DOCK4: variants seen among roughly 807,000 people sequenced by gnomAD.
DOCK4 encodes dedicator of cytokinesis 4.
In DOCK4, 97 loss-of-function variants were observed where a neutral mutation model predicts 268.1. The observed-to-expected ratio is 0.36, with a 90% CI of 0.31 to 0.43. The LOEUF (loss-of-function observed/expected upper bound fraction) is 0.43. Among genes scored for constraint, DOCK4 ranks in the 20% least tolerant of loss-of-function variants. DOCK4 has a pLI of 1.00. For synonymous variants in DOCK4, 954 were observed against 887.2 expected (o/e 1.08, Z -1.34); for missense variants, 2,145 against 2,455.7 (o/e 0.87, Z 2.67).
intron 1 of DOCK4, among the ~76,000 whole-genome samples, chr7:112,110,475 T>C (rs993062485): frequency 7.2e-5 from 11 of 152,282 alleles, no homozygotes; most frequent in African/African-American, 2.6e-4. Context: ...TACACTTAAA[T>C]GTTATTACCC....
chr7:111,930,427 G>C (rs1162014155), intron 12 of DOCK4, among the ~76,000 whole-genome samples: 2 of 152,086 alleles, frequency 1.3e-5, no homozygotes, highest in Non-Finnish European at 2.9e-5. Context: ...GAAGCATAAA[G>C]GGCCTGGAAA....
intron 8 of DOCK4, among the ~76,000 whole-genome samples, chr7:111,963,062 C>T (rs1390997255): frequency 6.6e-6 from 1 of 152,108 alleles, no homozygotes; most frequent in African/African-American, 2.4e-5. Flanking sequence ...AGATTAGTCC[C>T]AAGACAAATT....
At chr7:112,010,300 G>A (rs1364115097) in intron 1 of DOCK4, among the ~76,000 whole-genome samples, 1 of 152,194 alleles carries the variant, frequency 6.6e-6, no homozygotes, top group Non-Finnish European at 1.5e-5. Flanking sequence ...AGCTGTCTGG[G>A]ACAGGGCTGG....
At chr7:111,784,278 T>A in intron 32 of DOCK4, 155 bp from the exon 33 acceptor site, 1 of 870,532 alleles carries the variant, frequency 1.1e-6, no homozygotes, top group Non-Finnish European at 1.9e-6. Context: ...AACAGAGGCT[T>A]GCGTCTTACC....
intron 32 of DOCK4, chr7:111,784,527 C>T (rs1799033283): frequency 4.4e-6 from 2 of 459,616 alleles, no homozygotes; most frequent in South Asian, 3.1e-5. Context: ...ACTATCTGTG[C>T]ACTCACTCAA....
intron 1 of DOCK4, among the ~76,000 whole-genome samples, chr7:112,057,274 T>C (rs536024462): frequency 2.0e-4 from 30 of 152,038 alleles, no homozygotes; most frequent in African/African-American, 6.7e-4. Flanking sequence ...CCAGGCACAG[T>C]GGCTTAGTCT....
intron 1 of DOCK4, among the ~76,000 whole-genome samples, chr7:112,072,457 T>C (rs555703102): frequency 1.6e-3 from 246 of 152,320 alleles, no homozygotes; most frequent in Middle Eastern, 3.4e-3. Flanking sequence ...GGAATCCTTA[T>C]ATTTTGTTGG....
intron 42 of DOCK4, among the ~76,000 whole-genome samples, chr7:111,753,006 G>GA (rs1796782293): frequency 4.5e-4 from 2 of 4,414 alleles, no homozygotes; most frequent in African/African-American, 9.8e-4. Context: ...ATAAGCTATT[G>GA]GGGGGGGGGT....
In DOCK4 at chr7:111,790,601, C is replaced by T; in HGVS notation, c.3171G>A (p.Glu1057=). The change falls in exon 31 of 53, where the codon GAG becomes GAA. Residue 1057 remains glutamate, a synonymous_variant. Transcript: ENST00000428084. ...GGGCAGGGATAAAATGAAGCTTGTG[C>T]TCTCCTAAAGTGAGAAAAATATTTG... is the stretch of plus-strand genomic sequence containing the variant. The part of the protein sequence containing the change: ...EIFSMWQNLG[E]HKLHFIPALI... 1.9e-6 allele frequency: 3 copies of T among 1,611,068 alleles called. No homozygotes were observed. The highest frequency in any genetic ancestry group is 1.1e-5 in the South Asian group (1 of 90,468).
At chr7:111,811,755 C>T in intron 28 of DOCK4, 119 bp downstream of exon 28, 1 of 656,084 alleles carries the variant, frequency 1.5e-6, no homozygotes, top group East Asian at 2.9e-5. Flanking sequence ...ATAATGAAAA[C>T]TGTTCTAATA....
intron 36 of DOCK4, among the ~76,000 whole-genome samples, chr7:111,770,084 G>A (rs1023315654): frequency 2.0e-5 from 3 of 152,056 alleles, no homozygotes; most frequent in Non-Finnish European, 4.4e-5. Context: ...ATCCCCCAAA[G>A]GGCAGGCTTA....
chr7:112,056,270 G>A (rs1049833796), intron 1 of DOCK4, among the ~76,000 whole-genome samples: 3 of 152,164 alleles, frequency 2.0e-5, no homozygotes, highest in Non-Finnish European at 4.4e-5. Flanking sequence ...AACTGACAAT[G>A]GTTGATAGAG....
intron 12 of DOCK4, among the ~76,000 whole-genome samples, chr7:111,928,685 T>G (rs1445224538): frequency 6.6e-6 from 1 of 151,690 alleles, no homozygotes; most frequent in African/African-American, 2.4e-5. Flanking sequence ...CTTCCCAGAT[T>G]CAATTGATTC....
At chr7:112,068,478 T>C (rs1264369996) in intron 1 of DOCK4, among the ~76,000 whole-genome samples, 1 of 152,184 alleles carries the variant, frequency 6.6e-6, no homozygotes, top group Non-Finnish European at 1.5e-5. Flanking sequence ...CTCAGTTTCC[T>C]CATCTGTAAG....
At chr7:111,737,185 A>G (rs530320673) in intron 49 of DOCK4, among the ~76,000 whole-genome samples, 196 bp from the exon 50 acceptor site, 1 of 152,354 alleles carries the variant, frequency 6.6e-6, no homozygotes, top group South Asian at 2.1e-4. Context: ...TTGAGAAAGA[A>G]AAGAGTGTTG....
At chr7:112,147,691 A>G (rs1815642005) in intron 1 of DOCK4, among the ~76,000 whole-genome samples, 1 of 151,992 alleles carries the variant, frequency 6.6e-6, no homozygotes, top group South Asian at 2.1e-4. Flanking sequence ...TCTGAGAGGT[A>G]AGCTCTGAGT....
At chr7:112,182,931 G>C (rs888649296) in intron 1 of DOCK4, among the ~76,000 whole-genome samples, 3 of 152,376 alleles carry the variant, frequency 2.0e-5, no homozygotes, top group African/African-American at 4.8e-5. Flanking sequence ...CCCCAGCACA[G>C]CTGGCTGGGC....
intron 1 of DOCK4, among the ~76,000 whole-genome samples, chr7:112,190,824 G>C (rs1819888779): frequency 6.6e-6 from 1 of 152,180 alleles, no homozygotes; most frequent in African/African-American, 2.4e-5. Context: ...GACTACAGCA[G>C]TAATTCAGAC....
chr7:111,762,457 C>T (rs114936545), intron 39 of DOCK4, among the ~76,000 whole-genome samples: 2,503 of 152,184 alleles, frequency 0.016, 61 homozygotes, highest in African/African-American at 0.056. Flanking sequence ...ATGTGCTGGC[C>T]TTTTGTGACT....
Sources: allele counts gnomAD v4.1 joint callset (sites outside exome capture counted in the v4.1 genomes callset), GRCh38; gene constraint gnomAD v4.1.1; transcripts MANE v1.5; gene names NCBI Gene and HGNC (gene_info 2026-07-23, HGNC 2026-07-21).